Variants in ASB1 observed in about 807,000 individuals in gnomAD.
ASB1 encodes the protein ankyrin repeat and SOCS box containing 1.
Under a neutral mutation model 27.7 loss-of-function variants are expected in ASB1, and 18 were observed. The observed-to-expected ratio is 0.65, with a 90% CI of 0.45 to 0.96. ASB1 has a LOEUF of 0.96. Among genes scored for constraint, ASB1 ranks in the 50% least tolerant of loss-of-function variants. The pLI is 0.00. For missense variants in ASB1, 397 were observed against 451.7 expected (o/e 0.88, Z 1.10); for synonymous variants, 189 against 187.6 (o/e 1.01, Z -0.06).
intron 3 of ASB1, among the ~76,000 whole-genome samples, chr2:238,436,410 A>G (rs935129930): frequency 2.6e-5 from 4 of 152,032 alleles, no homozygotes; most frequent in African/African-American, 9.7e-5. Flanking sequence ...GGTTTTAATA[A>G]TGCTTTTTGT....
intron 2 of ASB1, among the ~76,000 whole-genome samples, chr2:238,434,300 C>G (rs3820816): frequency 0.068 from 10,375 of 152,300 alleles, 587 homozygotes; most frequent in African/African-American, 0.14. Context: ...TTCCCTCTCC[C>G]TGCTCAGGAC....
At chr2:238,430,898 C>G (rs1701859496) in intron 1 of ASB1, among the ~76,000 whole-genome samples, 1 of 152,252 alleles carries the variant, frequency 6.6e-6, no homozygotes, top group South Asian at 2.1e-4. Context: ...AAAATATTCA[C>G]TAACCATGCT....
At chr2:238,441,066 G>A (rs553845020) in intron 3 of ASB1, among the ~76,000 whole-genome samples, 4 of 152,232 alleles carry the variant, frequency 2.6e-5, no homozygotes, top group African/African-American at 7.2e-5. Context: ...AAAGAAAGAT[G>A]TCCTAGTGGG....
intron 3 of ASB1, among the ~76,000 whole-genome samples, chr2:238,436,258 T>C (rs1701969340): frequency 1.3e-5 from 2 of 152,118 alleles, no homozygotes; most frequent in Admixed American, 6.5e-5. Flanking sequence ...TGCTTATTCA[T>C]TTTTTCTTAA....
chr2:238,433,580 G>A lies in ASB1; in HGVS notation c.76G>A (p.Glu26Lys), dbSNP rs1280637856. Residue 26 changes from glutamate to lysine, a missense_variant, in exon 2 of 5, where the codon GAG becomes AAG. Glu to Lys is a moderately conservative substitution (Grantham distance 56). Coordinates refer to ENST00000264607, the MANE Select transcript of ASB1 (RefSeq NM_001040445.3). ...TCGTAATCTGAAGGAGTGGCTGAGGGAGCAATTTTGTGATCATCCGCTGGA... is the reference window on the plus strand; with the variant it reads ...TCGTAATCTGAAGGAGTGGCTGAGGAAGCAATTTTGTGATCATCCGCTGGA... The part of the protein sequence containing the change: ...AGRNLKEWLR[E>K]QFCDHPLEHC... 1 of 1,614,162 alleles carries A rather than the reference G, an allele frequency of 6.2e-7. No homozygotes were observed. The highest frequency in any genetic ancestry group is 8.5e-7 in the Non-Finnish European group (1 of 1,180,026).
At position 238,435,924 on chromosome 2, in the gene ASB1, G is replaced by C; in HGVS notation, c.405G>C (p.Ala135=). 1 of 1,614,176 alleles carries C rather than the reference G, an allele frequency of 6.2e-7. No individual in the cohort carries two copies. The highest frequency in any genetic ancestry group is 8.5e-7 in the Non-Finnish European group (1 of 1,180,032). ...ESTQILLEAG[A]DPNGSRHHRS... The stretch of plus-strand genomic sequence containing the variant: ...CCCAGATCCTTCTCGAAGCTGGCGC[G>C]GACCCCAACGGAAGCCGGCACCATC... Residue 135 remains alanine (A), a synonymous_variant, in exon 3 of 5, where the codon GCG becomes GCC. Coordinates refer to ENST00000264607, the MANE Select transcript of ASB1 (RefSeq NM_001040445.3).
rs1218807686 is a variant in ASB1 at position 238,449,507 on chromosome 2, TG to T, written c.*2999del. The T allele has an allele frequency of 6.6e-6, 1 of 152,610 alleles. No homozygotes were observed. Among genetic ancestry groups the T allele is most frequent in the Non-Finnish European group, 1.5e-5 (1 of 68,326 alleles). 9.5% of individuals were successfully genotyped at this position (152,610 alleles called of 1,614,324 possible). On this transcript the variant is annotated 3_prime_UTR_variant, in exon 5 of 5. Transcript: ENST00000264607. ...CTGGGCCTTGGCTGCTGTCAACAGA[TG>T]GGCTGGGCTGGGCTGTGGTGGGGTG...
intron 4 of ASB1, among the ~76,000 whole-genome samples, chr2:238,446,172 C>T (rs924261802): frequency 4.6e-5 from 7 of 152,208 alleles, no homozygotes; most frequent in East Asian, 1.9e-4. Flanking sequence ...CTCTTTCCTG[C>T]GACAGAAGGA....
chr2:238,439,742 C>T (rs1474575093), intron 3 of ASB1, among the ~76,000 whole-genome samples: 1 of 152,152 alleles, frequency 6.6e-6, no homozygotes, highest in African/African-American at 2.4e-5. Context: ...TGTTCGCATT[C>T]CCCTCTTATC....
chr2:238,448,971 T>A lies in ASB1; in HGVS notation c.*2460T>A, dbSNP rs1195507148. 1 of 152,382 alleles carries A rather than the reference T, an allele frequency of 6.6e-6. No homozygotes were observed. The highest frequency in any genetic ancestry group is 1.5e-5 in the Non-Finnish European group (1 of 68,148). 9.4% of individuals were successfully genotyped at this position (152,382 alleles called of 1,614,324 possible). On this transcript the variant is annotated 3_prime_UTR_variant, in exon 5 of 5. Coordinates refer to ENST00000264607, the MANE Select transcript of ASB1 (RefSeq NM_001040445.3). ...CCTCTCATGGCCCTTCCCTGGCCTG[T>A]GGCCCAGCCTGGCTGGCCTGCAGGT...
At chr2:238,427,193 G>C (rs1701773779) in intron 1 of ASB1, 74 bp downstream of exon 1, 7 of 1,111,868 alleles carry the variant, frequency 6.3e-6, no homozygotes, top group Non-Finnish European at 8.0e-6. Flanking sequence ...TCCCTGCCGA[G>C]GTCCTGCGTC....
chr2:238,434,551 T>G (rs2106404415), intron 2 of ASB1, among the ~76,000 whole-genome samples: 1 of 152,366 alleles, frequency 6.6e-6, no homozygotes, highest in Middle Eastern at 3.4e-3. Flanking sequence ...GAAAAGGATT[T>G]CTAACAGTAC....
chr2:238,435,357 C>T (rs1438028536), intron 2 of ASB1: 7 of 268,816 alleles, frequency 2.6e-5, no homozygotes, highest in Non-Finnish European at 3.6e-5. Flanking sequence ...GACTCCCGGG[C>T]GAGTGCGCTG....
Position 238,447,859 on chromosome 2 carries a change from G to A in ASB1, c.*1348G>A. 6.6e-6 allele frequency: 1 copy of A among 152,266 alleles called. No individual in the cohort carries two copies. Among genetic ancestry groups the A allele is most frequent in the Non-Finnish European group, 1.5e-5 (1 of 68,066 alleles). 9.4% of individuals were successfully genotyped at this position (152,266 alleles called of 1,614,324 possible). On this transcript the variant is annotated 3_prime_UTR_variant, in exon 5 of 5. Transcript: ENST00000264607. ...CTGTGTGTCTTAGCAGGCAGGCAGT[G>A]TCTGGCCATTATTGCGTTCTACAGC... is the stretch of plus-strand genomic sequence containing the variant.
At position 238,451,771 on chromosome 2, in the gene ASB1, G is replaced by A. The variant is rs1409397319; in HGVS notation, c.*5260G>A. ...CCCAAATGCCTTAATTTTGTGGACT[G>A]TTTATTTCAACAGGTGGAAGTGTTG... is the stretch of plus-strand genomic sequence containing the variant. On this transcript the variant is annotated 3_prime_UTR_variant, in exon 5 of 5. Coordinates refer to ENST00000264607, the MANE Select transcript of ASB1 (RefSeq NM_001040445.3). 1.3e-5 allele frequency: 2 copies of A among 152,636 alleles called. No homozygotes were observed. Among genetic ancestry groups the A allele is most frequent in the African/African-American group, 4.8e-5 (2 of 41,452 alleles). 9.5% of individuals were successfully genotyped at this position (152,636 alleles called of 1,614,324 possible). A position where few individuals can be genotyped will look rare whatever the true frequency, so the allele number is the denominator to read the frequency against.
At chr2:238,446,307 C>A in intron 4 of ASB1, 77 bp from the exon 5 acceptor site, 1 of 1,491,926 alleles carries the variant, frequency 6.7e-7, no homozygotes. Flanking sequence ...GGCTGGCAGT[C>A]CCAGCTGCCT....
At chr2:238,444,283 G>A in intron 3 of ASB1, 59 bp from the exon 4 acceptor site, 1 of 1,535,088 alleles carries the variant, frequency 6.5e-7, no homozygotes, top group Non-Finnish European at 8.8e-7. Flanking sequence ...TGGATCTGTG[G>A]GATCTGTGGG....
chr2:238,434,080 C>T (rs963563122), intron 2 of ASB1, among the ~76,000 whole-genome samples: 8 of 152,204 alleles, frequency 5.3e-5, no homozygotes, highest in Admixed American at 2.0e-4. Context: ...CACCCTGCTT[C>T]ACCACCTTCC....
chr2:238,436,604 C>A (rs1701975633), intron 3 of ASB1, among the ~76,000 whole-genome samples: 1 of 151,960 alleles, frequency 6.6e-6, no homozygotes, highest in South Asian at 2.1e-4. Flanking sequence ...GCTCAAGTGA[C>A]CCTCCTGCCT....
Sources: gnomAD v4.1 joint callset for allele counts (sites outside exome capture counted in the v4.1 genomes callset) on GRCh38, gnomAD v4.1.1 for gene constraint, MANE v1.5 for transcripts, NCBI Gene and HGNC (gene_info 2026-07-23, HGNC 2026-07-21) for gene names.